B3GALT5: variants seen among roughly 807,000 people sequenced by gnomAD.
The protein encoded by B3GALT5 is beta-1,3-galactosyltransferase 5, also known as UDP-Gal:betaGlcNAc beta 1,3-galactosyltransferase, polypeptide 5.
For synonymous variants in B3GALT5, 156 were observed against 158.6 expected (o/e 0.98, Z 0.12); for missense variants, 328 against 396.6 (o/e 0.83, Z 1.47).
In B3GALT5 at chr21:39,614,954, A is replaced by G. The variant is rs576995587; in HGVS notation, c.-392+1887A>G. On this transcript the variant is annotated intron_variant, in intron 1 of 3. Coordinates refer to ENST00000684187, the MANE Select transcript of B3GALT5 (RefSeq NM_001356336.2). ...CTCTCCCCGGGTGACCGGGATACTG[A>G]TGAGGATGGAGTCCCTCCTTGTACC... 1.6e-4 allele frequency among the ~76,000 whole-genome samples: 25 copies of G among 152,294 alleles called. No individual in the cohort carries two copies. The South Asian group carries it at 4.6e-3, about 28-fold the overall frequency.
chr21:39,642,446 C>T (rs556469932), intron 1 of B3GALT5, among the ~76,000 whole-genome samples: 1 of 152,266 alleles, frequency 6.6e-6, no homozygotes, highest in East Asian at 1.9e-4. Flanking sequence ...GCATTGGAGA[C>T]CCAGGGACCT....
intron 1 of B3GALT5, among the ~76,000 whole-genome samples, chr21:39,619,212 A>T (rs1427982198): frequency 6.6e-6 from 1 of 152,162 alleles, no homozygotes; most frequent in Non-Finnish European, 1.5e-5. Context: ...GAAGTCTGAG[A>T]TCAAAGGTGC....
At chr21:39,625,829 TTTTC>T (rs1053402402) in intron 1 of B3GALT5, among the ~76,000 whole-genome samples, 3 of 152,222 alleles carry the variant, frequency 2.0e-5, no homozygotes, top group Admixed American at 6.5e-5. Context: ...CCCTTGATTT[TTTTC>T]TTTCTTTTAT....
intron 2 of B3GALT5, among the ~76,000 whole-genome samples, chr21:39,651,904 A>T (rs1217337065): frequency 6.6e-6 from 1 of 152,188 alleles, no homozygotes; most frequent in Non-Finnish European, 1.5e-5. Flanking sequence ...TTCCCCTGTG[A>T]TTCTGTATGT....
rs1282545136 is a variant in B3GALT5 at position 39,668,152 on chromosome 21, G to C, written c.*6660G>C. On this transcript the variant is annotated 3_prime_UTR_variant, in exon 4 of 4. Coordinates refer to ENST00000684187, the MANE Select transcript of B3GALT5 (RefSeq NM_001356336.2). Reference sequence around the variant, plus strand: ...TCCTGATTTGGGGTAAATAGATCCAGAGACCAAGGCTCCATGTTATCCCCA... The same window carrying C: ...TCCTGATTTGGGGTAAATAGATCCACAGACCAAGGCTCCATGTTATCCCCA... 6.6e-6 allele frequency: 1 copy of C among 152,264 alleles called. No individual in the cohort carries two copies. Among genetic ancestry groups the C allele is most frequent in the Non-Finnish European group, 1.5e-5 (1 of 68,084 alleles). 9.4% of individuals were successfully genotyped at this position (152,264 alleles called of 1,614,324 possible).
rs2079491076 is a variant in B3GALT5 at position 39,659,734 on chromosome 21, C to T, written c.-160-19C>T. On this transcript the variant is annotated intron_variant, in intron 2 of 3. Coordinates refer to ENST00000684187, the MANE Select transcript of B3GALT5 (RefSeq NM_001356336.2). ...AGGCACGAGTGATTTGAATGACACT[C>T]TTTTTTTTTTTTTCCTAGTGATTCC... 6.4e-6 allele frequency: 5 copies of T among 784,582 alleles called. No homozygotes were observed. Among genetic ancestry groups the T allele is most frequent in the Non-Finnish European group, 6.1e-6 (4 of 650,438 alleles). The allele number at this position is 784,582 out of a possible 1,614,324, so 48.6% of individuals were successfully genotyped here.
At chr21:39,654,025 TGTGAACATTCTTGATC>T (rs2079418844) in intron 2 of B3GALT5, among the ~76,000 whole-genome samples, 1 of 152,266 alleles carries the variant, frequency 6.6e-6, no homozygotes, top group Non-Finnish European at 1.5e-5. Flanking sequence ...GCAATGCTGC[TGTGAACATTCTTGATC>T]ATGTCTTAGT....
intron 1 of B3GALT5, among the ~76,000 whole-genome samples, chr21:39,619,503 G>A (rs2079123725): frequency 1.3e-5 from 2 of 151,964 alleles, no homozygotes; most frequent in Admixed American, 6.6e-5. Context: ...GTATCTTATT[G>A]ATGTAATAAG....
chr21:39,639,329 TC>T (rs1421763123), intron 1 of B3GALT5, among the ~76,000 whole-genome samples: 9 of 119,308 alleles, frequency 7.5e-5, no homozygotes, highest in Non-Finnish European at 1.6e-4. Flanking sequence ...TTTCTTTCTT[TC>T]TTTCTTTCTT....
intron 1 of B3GALT5, among the ~76,000 whole-genome samples, chr21:39,638,007 T>A (rs1454291323): frequency 6.6e-6 from 1 of 152,144 alleles, no homozygotes; most frequent in Admixed American, 6.5e-5. Context: ...GGTCCACTTG[T>A]CATAATGTCC....
rs1206432904 is a variant in B3GALT5, at chr21:39,665,933, T to C, written c.*4441T>C. The C allele has an allele frequency of 1.3e-5, 2 of 152,260 alleles. No individual in the cohort carries two copies. Among genetic ancestry groups the C allele is most frequent in the Non-Finnish European group, 2.9e-5 (2 of 68,060 alleles). The allele number at this position is 152,260 out of a possible 1,614,324, so 9.4% of individuals were successfully genotyped here. On this transcript the variant is annotated 3_prime_UTR_variant, in exon 4 of 4. Transcript: ENST00000684187. ...TCTCTGTTTCCTTCACTGACGCACC[T>C]TGGATTCTTAGCATGGTCCCAGCAC...
intron 2 of B3GALT5, among the ~76,000 whole-genome samples, chr21:39,654,727 C>T (rs1440926843): frequency 2.0e-5 from 3 of 152,160 alleles, no homozygotes; most frequent in African/African-American, 7.2e-5. Flanking sequence ...AACCATGACC[C>T]TGATCAGTCA....
chr21:39,642,455 C>A (rs911246056), intron 1 of B3GALT5, among the ~76,000 whole-genome samples: 1 of 152,210 alleles, frequency 6.6e-6, no homozygotes, highest in African/African-American at 2.4e-5. Flanking sequence ...ACCCAGGGAC[C>A]TGCATAGACA....
intron 1 of B3GALT5, among the ~76,000 whole-genome samples, chr21:39,645,447 A>G (rs2079328105): frequency 6.6e-6 from 1 of 152,120 alleles, no homozygotes; most frequent in South Asian, 2.1e-4. Flanking sequence ...CCTTATCAGA[A>G]TTTTCCCAGC....
chr21:39,631,873 A>T (rs2079193994), intron 1 of B3GALT5, among the ~76,000 whole-genome samples: 1 of 152,158 alleles, frequency 6.6e-6, no homozygotes, highest in South Asian at 2.1e-4. Context: ...GGGAAATGTC[A>T]CTGAGGGGGC....
intron 1 of B3GALT5, among the ~76,000 whole-genome samples, chr21:39,619,926 G>A (rs1280197461): frequency 6.6e-6 from 1 of 152,114 alleles, no homozygotes; most frequent in Non-Finnish European, 1.5e-5. Flanking sequence ...TCGTGCCTCA[G>A]CCTCCCAAGT....
intron 1 of B3GALT5, among the ~76,000 whole-genome samples, chr21:39,618,394 A>G (rs1424581456): frequency 6.6e-6 from 1 of 152,198 alleles, no homozygotes; most frequent in Non-Finnish European, 1.5e-5. Flanking sequence ...GTACCAATTT[A>G]TGCTCCTACA....
At chr21:39,644,587 C>G (rs2146203319) in intron 1 of B3GALT5, among the ~76,000 whole-genome samples, 1 of 152,310 alleles carries the variant, frequency 6.6e-6, no homozygotes, top group East Asian at 1.9e-4. Context: ...CAGCGGCTTA[C>G]AGAACCATTG....
intron 1 of B3GALT5, among the ~76,000 whole-genome samples, chr21:39,620,900 T>C (rs1375655776): frequency 6.6e-6 from 1 of 152,232 alleles, no homozygotes; most frequent in African/African-American, 2.4e-5. Context: ...TAGTTTCTTC[T>C]CTTTTATTTC....
Sources: gnomAD v4.1 joint callset for allele counts (sites outside exome capture counted in the v4.1 genomes callset) on GRCh38, gnomAD v4.1.1 for gene constraint, MANE v1.5 for transcripts, NCBI Gene and HGNC (gene_info 2026-07-23, HGNC 2026-07-21) for gene names.